The following SLMAP variants were observed in gnomAD, a reference collection of about 807,000 sequenced individuals.
SLMAP encodes the protein sarcolemmal membrane-associated protein.
Under a neutral mutation model 128.8 loss-of-function variants are expected in SLMAP, and 44 were observed. The observed-to-expected ratio is 0.34, with a 90% CI of 0.27 to 0.44. The LOEUF is 0.44. SLMAP is among the 20% of genes least tolerant of loss of function. The pLI, the probability that SLMAP is intolerant of heterozygous loss-of-function variation, is 1.00. For synonymous variants in SLMAP, 327 were observed against 348.8 expected (o/e 0.94, Z 0.70); for missense variants, 787 against 985.3 (o/e 0.80, Z 2.69).
rs2096017348 is a variant in SLMAP at position 57,890,066 on chromosome 3, A to G, written c.1326A>G (p.Leu442=). Reference sequence around the variant, plus strand: ...AGAAGCTGATCGTCGAAGGGCATCTAACCAAAGCGGTAGAAGAAACAAAGC... The same window carrying G: ...AGAAGCTGATCGTCGAAGGGCATCTGACCAAAGCGGTAGAAGAAACAAAGC... ...CQKKLIVEGH[L]TKAVEETKLS... Residue 442 remains leucine (L), a synonymous_variant, in exon 15 of 25, where the codon CTA becomes CTG. Coordinates refer to ENST00000671191, the MANE Select transcript of SLMAP (RefSeq NM_001377540.1). The G allele has an allele frequency of 2.5e-6, 4 of 1,613,822 alleles. No individual in the cohort carries two copies. The highest frequency in any genetic ancestry group is 2.2e-5 in the South Asian group (2 of 91,072).
At chr3:57,770,498 G>T (rs907629505) in intron 2 of SLMAP, among the ~76,000 whole-genome samples, 1 of 152,194 alleles carries the variant, frequency 6.6e-6, no homozygotes, top group East Asian at 1.9e-4. Flanking sequence ...CAAAATTGGG[G>T]GGAAGAAAAT....
At chr3:57,761,220 T>C (rs2078572342) in intron 2 of SLMAP, among the ~76,000 whole-genome samples, 1 of 152,130 alleles carries the variant, frequency 6.6e-6, no homozygotes, top group African/African-American at 2.4e-5. Context: ...TATAGTGCTA[T>C]GGAGTCTTAG....
chr3:57,823,524 C>T (rs2092692655), intron 2 of SLMAP, among the ~76,000 whole-genome samples: 1 of 152,150 alleles, frequency 6.6e-6, no homozygotes. Context: ...CCAGCTTCAT[C>T]CATGTCCCTA....
chr3:57,812,781 G>A (rs1159968454), intron 2 of SLMAP, among the ~76,000 whole-genome samples: 1 of 151,716 alleles, frequency 6.6e-6, no homozygotes, highest in Non-Finnish European at 1.5e-5. Context: ...CTTTGGCTAA[G>A]TTAATTCCTA....
chr3:57,806,815 G>A (rs538569638), intron 2 of SLMAP, among the ~76,000 whole-genome samples: 1 of 152,308 alleles, frequency 6.6e-6, no homozygotes, highest in African/African-American at 2.4e-5. Flanking sequence ...AAATAGTGCT[G>A]CAATAAACAT....
intron 2 of SLMAP, among the ~76,000 whole-genome samples, chr3:57,778,601 T>C (rs1470401000): frequency 1.4e-5 from 2 of 146,430 alleles, no homozygotes; most frequent in Admixed American, 7.0e-5. Flanking sequence ...AGACCAGGCC[T>C]TGCTGTGTTG....
intron 2 of SLMAP, among the ~76,000 whole-genome samples, chr3:57,818,283 G>GT (rs1447457901): frequency 6.6e-6 from 1 of 152,122 alleles, no homozygotes; most frequent in Non-Finnish European, 1.5e-5. Context: ...AGCCTCCCTA[G>GT]TAGCTGGGAT....
At chr3:57,872,448 G>A (rs367712790) in intron 14 of SLMAP, among the ~76,000 whole-genome samples, 3 of 151,934 alleles carry the variant, frequency 2.0e-5, no homozygotes, top group Non-Finnish European at 2.9e-5. Flanking sequence ...GTGAAATACC[G>A]TCTCTACTAA....
At chr3:57,876,301 A>G (rs994369300) in intron 14 of SLMAP, among the ~76,000 whole-genome samples, 1 of 152,242 alleles carries the variant, frequency 6.6e-6, no homozygotes, top group Non-Finnish European at 1.5e-5. Flanking sequence ...AAATAAATGA[A>G]TTGAAACACA....
At chr3:57,865,191 T>C in intron 12 of SLMAP, 51 bp from the exon 13 acceptor site, 1 of 1,014,270 alleles carries the variant, frequency 9.9e-7, no homozygotes, top group South Asian at 1.6e-5. Context: ...TGAGACCACA[T>C]TTAAAGTAAT....
chr3:57,854,412 A>G (rs1267510425), intron 6 of SLMAP, among the ~76,000 whole-genome samples: 4 of 152,104 alleles, frequency 2.6e-5, no homozygotes, highest in Non-Finnish European at 5.9e-5. Context: ...AGCCTGGCAA[A>G]CATGGAGAAA....
chr3:57,767,218 C>G (rs1276418376), intron 2 of SLMAP, among the ~76,000 whole-genome samples: 1 of 152,158 alleles, frequency 6.6e-6, no homozygotes, highest in African/African-American at 2.4e-5. Context: ...TGCACCCGGC[C>G]TGTATATAAT....
chr3:57,843,775 C>CTTTTTTTTT (rs775541858), intron 4 of SLMAP, among the ~76,000 whole-genome samples: 436 of 77,060 alleles, frequency 5.7e-3, no homozygotes, highest in Middle Eastern at 0.01. Context: ...TCTTTTCTTT[C>CTTTTTTTTT]TTTTTTTTTT....
At chr3:57,890,349 G>A in intron 15 of SLMAP, 1 of 352,712 alleles carries the variant, frequency 2.8e-6, no homozygotes, top group East Asian at 4.4e-5. Context: ...ACTTGATATA[G>A]GTTTCTTTAG....
At chr3:57,805,489 A>G (rs1217639487) in intron 2 of SLMAP, among the ~76,000 whole-genome samples, 2 of 152,212 alleles carry the variant, frequency 1.3e-5, no homozygotes, top group Admixed American at 1.3e-4. Flanking sequence ...CAGGCTACCA[A>G]CTGCTGCCTT....
intron 17 of SLMAP, chr3:57,900,418 C>T (rs1475241466): frequency 6.6e-6 from 1 of 152,102 alleles, no homozygotes; most frequent in African/African-American, 2.4e-5. Flanking sequence ...AAACCATCTC[C>T]CATAAAACGT....
intron 2 of SLMAP, among the ~76,000 whole-genome samples, chr3:57,764,465 G>C (rs2079264505): frequency 6.7e-6 from 1 of 148,592 alleles, no homozygotes; most frequent in African/African-American, 2.5e-5. Context: ...TCCCATCTTT[G>C]CACTCCAACA....
chr3:57,868,941 G>A (rs1418636506), intron 13 of SLMAP, among the ~76,000 whole-genome samples: 1 of 130,036 alleles, frequency 7.7e-6, no homozygotes, highest in Non-Finnish European at 1.6e-5. Context: ...TATGTTATAT[G>A]TGTGTATTAT....
Position 57,839,578 on chromosome 3 carries a change from A to G in SLMAP, c.347-1721A>G, listed in dbSNP as rs930188503. Among the ~76,000 whole-genome samples the G allele has an allele frequency of 5.3e-5, 8 of 149,576 alleles. No homozygotes were observed. In the Admixed American group the frequency reaches 5.4e-4, roughly 10 times the overall value. ...GGCCTCAGCCTCCCGAGTAGCTGGG[A>G]TTGCAGGCACCTGCCACCATACCGG... On this transcript the variant is annotated intron_variant, in intron 3 of 24. Coordinates refer to ENST00000671191, the MANE Select transcript of SLMAP (RefSeq NM_001377540.1).
Sources: allele counts gnomAD v4.1 joint callset (sites outside exome capture counted in the v4.1 genomes callset), GRCh38; gene constraint gnomAD v4.1.1; transcripts MANE v1.5; gene names NCBI Gene and HGNC (gene_info 2026-07-23, HGNC 2026-07-21).